The following PCNX2 variants were observed in gnomAD, a reference collection of about 807,000 sequenced individuals.
The protein encoded by PCNX2 is pecanex-like protein 2.
PCNX2 carries 168 observed loss-of-function variants against 223.8 expected under a neutral mutation model. That is an observed-to-expected ratio of 0.75 (90% CI 0.66 to 0.85). PCNX2 has a LOEUF of 0.85. Among genes scored for constraint, PCNX2 ranks in the 40% least tolerant of loss-of-function variants. The pLI, the probability that PCNX2 is intolerant of heterozygous loss-of-function variation, is 0.00. For missense variants in PCNX2, 2,507 were observed against 2,675.5 expected (o/e 0.94, Z 1.39); for synonymous variants, 1,006 against 1,052.6 (o/e 0.96, Z 0.86).
At chr1:233,244,806 T>C (rs1226170078) in intron 8 of PCNX2, among the ~76,000 whole-genome samples, 2 of 152,242 alleles carry the variant, frequency 1.3e-5, no homozygotes, top group Admixed American at 1.3e-4. Context: ...TTTAAAAGGC[T>C]CATTTTACAT....
chr1:233,107,220 T>C (rs1674849907), intron 21 of PCNX2, among the ~76,000 whole-genome samples: 1 of 147,598 alleles, frequency 6.8e-6, no homozygotes, highest in South Asian at 2.1e-4. Flanking sequence ...CACAAAACCA[T>C]GCACAGCCTT....
intron 19 of PCNX2, among the ~76,000 whole-genome samples, chr1:233,154,866 C>T (rs918633343): frequency 1.3e-5 from 2 of 151,992 alleles, no homozygotes; most frequent in Non-Finnish European, 2.9e-5. Flanking sequence ...ACCAGGATTT[C>T]GAGACCAGCC....
intron 15 of PCNX2, among the ~76,000 whole-genome samples, chr1:233,193,553 CT>C (rs1680539446): frequency 1.3e-5 from 2 of 152,172 alleles, no homozygotes; most frequent in Non-Finnish European, 2.9e-5. Context: ...AAACTAAACA[CT>C]GACAAGTGAT....
intron 21 of PCNX2, chr1:233,112,990 T>C: frequency 7.8e-7 from 1 of 1,289,216 alleles, no homozygotes; most frequent in Non-Finnish European, 1.0e-6. Flanking sequence ...GACAAGAAAG[T>C]GGATGTGTTA....
chr1:232,994,233 C>T (rs1486752785), intron 32 of PCNX2, among the ~76,000 whole-genome samples: 4 of 152,232 alleles, frequency 2.6e-5, no homozygotes, highest in African/African-American at 7.2e-5. Context: ...GGACTGTACC[C>T]ATGCAGAGCT....
At chr1:233,156,918 A>AAAAC (rs138795086) in intron 19 of PCNX2, among the ~76,000 whole-genome samples, 23 of 152,200 alleles carry the variant, frequency 1.5e-4, no homozygotes, top group African/African-American at 3.4e-4. Context: ...ATTCAGTCTC[A>AAAAC]AAACAAACAA....
intron 23 of PCNX2, among the ~76,000 whole-genome samples, chr1:233,064,270 C>T (rs1672509877): frequency 6.6e-6 from 1 of 152,154 alleles, no homozygotes; most frequent in Non-Finnish European, 1.5e-5. Context: ...AGGGGTTTTA[C>T]ACACCAGTAC....
At chr1:233,177,984 C>A in intron 16 of PCNX2, 86 bp from the exon 17 acceptor site, 2 of 964,898 alleles carry the variant, frequency 2.1e-6, no homozygotes, top group Non-Finnish European at 3.2e-6. Context: ...ATCTCACACC[C>A]ACACATGACA....
At chr1:233,132,243 G>A (rs974632372) in intron 21 of PCNX2, among the ~76,000 whole-genome samples, 3 of 152,074 alleles carry the variant, frequency 2.0e-5, no homozygotes, top group African/African-American at 4.8e-5. Flanking sequence ...GATTACAGGC[G>A]TGAGACACCG....
chr1:233,052,596 C>T (rs1320934696), intron 25 of PCNX2, among the ~76,000 whole-genome samples: 1 of 152,188 alleles, frequency 6.6e-6, no homozygotes, highest in African/African-American at 2.4e-5. Context: ...ACTGTCATAA[C>T]ATTCATTTCA....
chr1:233,188,961 G>A (rs903076262), intron 15 of PCNX2, among the ~76,000 whole-genome samples: 1 of 152,186 alleles, frequency 6.6e-6, no homozygotes, highest in Non-Finnish European at 1.5e-5. Flanking sequence ...CACAGGTCCT[G>A]CCCACATTCA....
chr1:233,220,606 C>A (rs1339996173), intron 10 of PCNX2, among the ~76,000 whole-genome samples: 1 of 151,828 alleles, frequency 6.6e-6, no homozygotes, highest in Admixed American at 6.6e-5. Flanking sequence ...TTTCTTTAGG[C>A]CTTAAGCCCA....
At chr1:233,028,853 T>A in intron 25 of PCNX2, among the ~76,000 whole-genome samples, 1 of 150,902 alleles carries the variant, frequency 6.6e-6, no homozygotes, top group East Asian at 1.9e-4. Context: ...TTTTTTTTTT[T>A]TTTGAGATGG....
rs1267575953 is a variant in PCNX2 at position 233,001,935 on chromosome 1, C to T, written c.4953-254G>A. Among the ~76,000 whole-genome samples, 1 of 152,178 alleles carries T rather than the reference C, an allele frequency of 6.6e-6. No individual in the cohort carries two copies. The highest frequency in any genetic ancestry group is 1.5e-5 in the Non-Finnish European group (1 of 68,034). Reference sequence around the variant, plus strand: ...TAGGAGCCACCAAAGTACTTAATCACTGGATGTGACACTAGGATTCCAGGT... The same window carrying T: ...TAGGAGCCACCAAAGTACTTAATCATTGGATGTGACACTAGGATTCCAGGT... On this transcript the variant is annotated intron_variant, in intron 28 of 33. Coordinates refer to ENST00000258229, the MANE Select transcript of PCNX2 (RefSeq NM_014801.4). The surrounding 1 kb of genome is among the most constrained non-coding windows in gnomAD (Gnocchi z 4.2).
intron 25 of PCNX2, among the ~76,000 whole-genome samples, chr1:233,029,793 A>G (rs1486701800): frequency 6.7e-6 from 1 of 148,944 alleles, no homozygotes; most frequent in African/African-American, 2.5e-5. Context: ...CTCTCTATAT[A>G]ATGCAAATGT....
At chr1:233,036,629 CAA>C (rs34006978) in intron 25 of PCNX2, among the ~76,000 whole-genome samples, 13,226 of 132,464 alleles carry the variant, frequency 0.1, 646 homozygotes, top group African/African-American at 0.14. Flanking sequence ...GACTCCATCT[CAA>C]AAAAAAAAAA....
rs754580997 is a variant in PCNX2 at position 233,025,446 on chromosome 1, G to T, written c.4352-47C>A. ...GGAAGTTTGAAGAGAAGGCATGCTA[G>T]AATGTTTGCTTCAACGGATTTCCCC... is the stretch of plus-strand genomic sequence containing the variant. On this transcript the variant is annotated intron_variant, in intron 25 of 33. Coordinates refer to ENST00000258229, the MANE Select transcript of PCNX2 (RefSeq NM_014801.4). 1.1e-5 allele frequency: 17 copies of T among 1,599,318 alleles called. No individual in the cohort carries two copies. In the Middle Eastern group the frequency reaches 5.0e-4, roughly 47 times the overall value.
At chr1:233,322,345 C>T in the PCNX2 span, among the ~76,000 whole-genome samples, 16 of 152,168 alleles carry the variant, frequency 1.1e-4, no homozygotes, top group South Asian at 1.0e-3. Context: ...GAGTAGGGCA[C>T]GACACCAATG....
chr1:233,218,189 G>T lies in PCNX2; in HGVS notation c.2505-5C>A. On this transcript the variant is annotated splice_region_variant and splice_polypyrimidine_tract_variant and intron_variant, in intron 10 of 33. Transcript: ENST00000258229. ...TTCTCCTTGATGTCTTCAGTTCTGT[G>T]CAAAATATATACATAAAAGCAAAAA... 1 of 700,566 alleles carries T rather than the reference G, an allele frequency of 1.4e-6. No homozygotes were observed. Among genetic ancestry groups the T allele is most frequent in the Non-Finnish European group, 2.0e-6 (1 of 498,340 alleles). 43.4% of individuals were successfully genotyped at this position (700,566 alleles called of 1,614,324 possible).
Sources: gnomAD v4.1 joint callset for allele counts (sites outside exome capture counted in the v4.1 genomes callset) on GRCh38, gnomAD v4.1.1 for gene constraint, Gnocchi (gnomAD v3.1) non-coding constraint, MANE v1.5 for transcripts, NCBI Gene and HGNC (gene_info 2026-07-23, HGNC 2026-07-21) for gene names.